PPP1R12A: variants seen among roughly 807,000 people sequenced by gnomAD.
PPP1R12A encodes myosin binding subunit.
A neutral mutation model predicts 139.6 loss-of-function variants in PPP1R12A; 19 were observed. That is an observed-to-expected ratio of 0.14 (90% CI 0.09 to 0.20). PPP1R12A has a LOEUF of 0.20. Among genes scored for constraint, PPP1R12A ranks in the 10% least tolerant of loss-of-function variants. PPP1R12A has a pLI of 1.00. For missense variants in PPP1R12A, 925 were observed against 1,211.5 expected, an observed-to-expected ratio of 0.76 and a Z score of 3.51; for synonymous variants, 427 against 420.6, an observed-to-expected ratio of 1.02 and a Z score of -0.19.
chr12:79,800,410 A>G (rs1034967020), intron 14 of PPP1R12A, among the ~76,000 whole-genome samples: 2 of 152,154 alleles, frequency 1.3e-5, no homozygotes, highest in Non-Finnish European at 2.9e-5. Context: ...GATTATCTTA[A>G]TAACATTCTT....
At chr12:79,813,246 T>A (rs1874835245) in intron 9 of PPP1R12A, among the ~76,000 whole-genome samples, 1 of 152,190 alleles carries the variant, frequency 6.6e-6, no homozygotes, top group Admixed American at 6.5e-5. Context: ...TTCCATATTA[T>A]CCCCACTTGC....
chr12:79,853,597 AAGTATTTAC>A (rs1880300631), intron 2 of PPP1R12A, among the ~76,000 whole-genome samples: 1 of 152,210 alleles, frequency 6.6e-6, no homozygotes, highest in South Asian at 2.1e-4. Context: ...CAATCAGGGG[AAGTATTTAC>A]ATTTTCTTCA....
intron 1 of PPP1R12A, among the ~76,000 whole-genome samples, chr12:79,898,821 C>A (rs1348141588): frequency 6.6e-6 from 1 of 152,152 alleles, no homozygotes; most frequent in Non-Finnish European, 1.5e-5. Context: ...CACCCTCCCT[C>A]AACCAAAACA....
At chr12:79,781,960 A>G (rs1054865141) in intron 22 of PPP1R12A, 98 bp from the exon 23 acceptor site, 4 of 590,230 alleles carry the variant, frequency 6.8e-6, no homozygotes, top group Non-Finnish European at 1.2e-5. Context: ...CACAATATTC[A>G]AGTGGAGTAA....
At chr12:79,922,868 T>C (rs1266148653) in intron 1 of PPP1R12A, among the ~76,000 whole-genome samples, 2 of 152,198 alleles carry the variant, frequency 1.3e-5, no homozygotes, top group Non-Finnish European at 2.9e-5. Flanking sequence ...TTAAAAAGTA[T>C]TTTGTATAAA....
At chr12:79,935,135 C>T (rs779249989), upstream of PPP1R12A, 1,935 of 1,353,912 alleles carry the variant, frequency 1.4e-3, 3 homozygotes, top group Non-Finnish European at 1.6e-3. Flanking sequence ...TCCCTTCCTA[C>T]CACAGAAGCC....
At chr12:79,886,762 ATT>A (rs1884142355) in intron 1 of PPP1R12A, among the ~76,000 whole-genome samples, 1 of 152,202 alleles carries the variant, frequency 6.6e-6, no homozygotes, top group South Asian at 2.1e-4. Context: ...CTGTATAAAT[ATT>A]CATTCAACAA....
chr12:79,792,915 GC>G (rs1248485411), intron 19 of PPP1R12A, among the ~76,000 whole-genome samples: 2 of 152,064 alleles, frequency 1.3e-5, no homozygotes, highest in Admixed American at 6.6e-5. Flanking sequence ...TCATTGTCTG[GC>G]CACCTAAAGA....
intron 9 of PPP1R12A, 130 bp from the exon 10 acceptor site, chr12:79,810,140 T>G: frequency 1.3e-6 from 1 of 747,112 alleles, no homozygotes; most frequent in South Asian, 2.1e-5. Context: ...TAAAACACTT[T>G]TACTACATAG....
Position 79,796,889 on chromosome 12 carries a change from G to A in PPP1R12A, c.2354C>T (p.Ser785Phe). 7 of 1,612,434 alleles carry A rather than the reference G, an allele frequency of 4.3e-6. No homozygotes were observed. The highest frequency in any genetic ancestry group is 5.9e-6 in the Non-Finnish European group (7 of 1,178,706). ...AGCATACAGTGAACTGCTCATAGTAGAAAGTGAAGAGGATGGAGTGGTTGA... is the reference window on the plus strand; with the variant it reads ...AGCATACAGTGAACTGCTCATAGTAAAAAGTGAAGAGGATGGAGTGGTTGA... ...SSSTTPSSSLSTMSSSLYASS... is the reference protein window; with the variant it reads ...SSSTTPSSSLFTMSSSLYASS... Residue 785 changes from serine to phenylalanine, a missense_variant, in exon 17 of 25, where the codon TCT becomes TTT. Ser to Phe is a radical substitution (Grantham distance 155). Transcript: ENST00000450142.
At chr12:79,856,850 A>G (rs1880716052) in intron 2 of PPP1R12A, among the ~76,000 whole-genome samples, 1 of 152,256 alleles carries the variant, frequency 6.6e-6, no homozygotes, top group African/African-American at 2.4e-5. Context: ...AGTGTTGGAA[A>G]CAGAACCGTG....
chr12:79,898,975 A>T (rs1425107229), intron 1 of PPP1R12A, among the ~76,000 whole-genome samples: 1 of 152,156 alleles, frequency 6.6e-6, no homozygotes, highest in Non-Finnish European at 1.5e-5. Flanking sequence ...GCAAAGTTGA[A>T]AGAATTTTAC....
chr12:79,779,525 CT>C (rs1870157495), intron 23 of PPP1R12A: 1 of 421,078 alleles, frequency 2.4e-6, no homozygotes, highest in South Asian at 1.9e-5. Flanking sequence ...TACTGATCGT[CT>C]TTTAAGTACC....
At chr12:79,800,858 C>T (rs1482272743) in intron 14 of PPP1R12A, among the ~76,000 whole-genome samples, 2 of 151,706 alleles carry the variant, frequency 1.3e-5, no homozygotes, top group African/African-American at 2.4e-5. Context: ...CTCAGCCTCC[C>T]GAGTAGTTGA....
At chr12:79,809,192 T>TA (rs537972636) in intron 10 of PPP1R12A, among the ~76,000 whole-genome samples, 2 of 152,224 alleles carry the variant, frequency 1.3e-5, no homozygotes, top group South Asian at 4.1e-4. Flanking sequence ...GAATTTCTGA[T>TA]ATAAGGAAAC....
intron 14 of PPP1R12A, among the ~76,000 whole-genome samples, chr12:79,804,043 TA>T (rs1873522204): frequency 6.6e-6 from 1 of 152,154 alleles, no homozygotes; most frequent in East Asian, 1.9e-4. Flanking sequence ...TTCTAGAAGT[TA>T]AAAATAATAT....
chr12:79,778,645 T>G, intron 23 of PPP1R12A, 45 bp from the exon 24 acceptor site: 1 of 1,255,522 alleles, frequency 8.0e-7, no homozygotes, highest in Non-Finnish European at 1.1e-6. Context: ...AATTATTATA[T>G]TCTTAAGTCT....
intron 18 of PPP1R12A, 35 bp from the exon 19 acceptor site, chr12:79,793,963 T>C (rs1230329562): frequency 2.0e-6 from 3 of 1,464,730 alleles, no homozygotes; most frequent in Non-Finnish European, 2.8e-6. Flanking sequence ...TTTTAGGAAA[T>C]TTTAGTAATA....
chr12:79,826,840 A>G (rs1263869561), intron 5 of PPP1R12A, among the ~76,000 whole-genome samples: 2 of 152,194 alleles, frequency 1.3e-5, no homozygotes, highest in African/African-American at 4.8e-5. Context: ...AACCATTTCA[A>G]TTAATAAGCT....
Sources: gnomAD v4.1 joint callset for allele counts (sites outside exome capture counted in the v4.1 genomes callset) on GRCh38, gnomAD v4.1.1 for gene constraint, MANE v1.5 for transcripts, NCBI Gene and HGNC (gene_info 2026-07-23, HGNC 2026-07-21) for gene names.